The following CERS4 variants were observed in gnomAD, a reference collection of about 807,000 sequenced individuals.
CERS4 encodes ceramide synthase 4, also known as LAG1 homolog, ceramide synthase 4.
A neutral mutation model predicts 51.8 loss-of-function variants in CERS4; 65 were observed. That is an observed-to-expected ratio of 1.26 (90% CI 1.03 to 1.54). The LOEUF (loss-of-function observed/expected upper bound fraction) is 1.54, where lower values mean the gene tolerates loss of function less well. CERS4 is among the 40% of genes most tolerant of loss of function. CERS4 has a pLI of 0.00. For synonymous variants in CERS4, 228 were observed against 208.4 expected, an observed-to-expected ratio of 1.09 and a Z score of -0.81; for missense variants, 563 against 500.4, an observed-to-expected ratio of 1.13 and a Z score of -1.19.
chr19:8,251,373 TC>T (rs2062207248), intron 3 of CERS4, 124 bp downstream of exon 3: 5 of 1,422,498 alleles, frequency 3.5e-6, no homozygotes, highest in African/African-American at 1.5e-5. Context: ...CAAAGCGCGT[TC>T]CCTGGCTCCA....
At chr19:8,216,774 C>T (rs997010547) in intron 2 of CERS4, among the ~76,000 whole-genome samples, 1 of 152,066 alleles carries the variant, frequency 6.6e-6, no homozygotes, top group Non-Finnish European at 1.5e-5. Context: ...TGATGTCAGC[C>T]ATCCTGGGTC....
intron 3 of CERS4, among the ~76,000 whole-genome samples, chr19:8,252,400 A>C (rs1599580153): frequency 1.3e-5 from 2 of 149,656 alleles, no homozygotes; most frequent in South Asian, 2.1e-4. Context: ...CCTCATCCCC[A>C]CCAGTAGCTG....
At chr19:8,247,537 A>C (rs1365735647) in intron 2 of CERS4, among the ~76,000 whole-genome samples, 1 of 151,936 alleles carries the variant, frequency 6.6e-6, no homozygotes, top group Non-Finnish European at 1.5e-5. Context: ...CTCCCACATC[A>C]GCTTCCTGAA....
chr19:8,211,559 AAATATCACGAG>A (rs1304477019), intron 2 of CERS4, among the ~76,000 whole-genome samples: 2 of 152,316 alleles, frequency 1.3e-5, no homozygotes, highest in East Asian at 3.9e-4. Flanking sequence ...CAGGCTATTA[AAATATCACGAG>A]AATATCACAG....
chr19:8,246,923 T>A (rs1226635824), intron 2 of CERS4, among the ~76,000 whole-genome samples: 2 of 152,086 alleles, frequency 1.3e-5, no homozygotes, highest in Non-Finnish European at 2.9e-5. Flanking sequence ...CCCAGCACTT[T>A]GGGAGGCTGA....
chr19:8,256,112 A>C, intron 6 of CERS4, 124 bp from the exon 7 acceptor site: 1 of 1,139,040 alleles, frequency 8.8e-7, no homozygotes, highest in Non-Finnish European at 1.3e-6. Context: ...GAGAAGCAGG[A>C]AAAAGCAGGG....
intron 2 of CERS4, among the ~76,000 whole-genome samples, chr19:8,228,885 A>G (rs1967894115): frequency 6.6e-6 from 1 of 150,404 alleles, no homozygotes; most frequent in Non-Finnish European, 1.5e-5. Context: ...TTAGCTGGGC[A>G]TAGGGGCACA....
At chr19:8,261,661 A>G (rs746180647) in intron 10 of CERS4, 27 bp from the exon 11 acceptor site, 2 of 1,613,088 alleles carry the variant, frequency 1.2e-6, no homozygotes, top group East Asian at 4.5e-5. Flanking sequence ...GTCAAACCCC[A>G]GCCTCCTCCT....
chr19:8,252,230 T>C (rs553575982), intron 3 of CERS4, among the ~76,000 whole-genome samples: 28 of 151,644 alleles, frequency 1.8e-4, no homozygotes, highest in African/African-American at 5.3e-4. Context: ...ATTAGTTGGG[T>C]GTGGTGGCAC....
chr19:8,238,637 A>T, intron 2 of CERS4: 1 of 955,318 alleles, frequency 1.0e-6, no homozygotes, highest in Non-Finnish European at 1.2e-6. Context: ...CTGCTGGGGG[A>T]TCCTCATGGT....
intron 3 of CERS4, among the ~76,000 whole-genome samples, chr19:8,252,211 G>A (rs955908337): frequency 3.3e-5 from 5 of 151,768 alleles, no homozygotes; most frequent in Non-Finnish European, 7.4e-5. Flanking sequence ...TCTACTAAAA[G>A]TACAAAAAAT....
rs1000962397 is a variant in CERS4 at position 8,255,192 on chromosome 19, C to T, written c.292-415C>T. The stretch of plus-strand genomic sequence containing the variant: ...ACCCTAGAGGCGACAGGGCAGCTTC[C>T]GCAGAGCTAGACGTGACTCCCCCTT... On this transcript the variant is annotated intron_variant, in intron 4 of 11. Coordinates refer to ENST00000251363, the MANE Select transcript of CERS4 (RefSeq NM_024552.3). Among the ~76,000 whole-genome samples the T allele has an allele frequency of 2.6e-5, 4 of 152,168 alleles. No homozygotes were observed. The South Asian group carries it at 6.2e-4, about 24-fold the overall frequency.
chr19:8,256,242 T>C lies in CERS4; in HGVS notation c.475T>C (p.Trp159Arg). The C allele has an allele frequency of 1.2e-6, 2 of 1,612,816 alleles. No individual in the cohort carries two copies. The highest frequency in any genetic ancestry group is 1.7e-6 in the Non-Finnish European group (2 of 1,179,534). Reference protein sequence around the residue: ...GGLSVLYHESWLWAPVMCWDR... With the variant: ...GGLSVLYHESRLWAPVMCWDR... ...GACACCCATTTCCCTGCAGGAGTCATGGCTGTGGGCACCAGTAATGTGCTG... is the reference window on the plus strand; with the variant it reads ...GACACCCATTTCCCTGCAGGAGTCACGGCTGTGGGCACCAGTAATGTGCTG... Residue 159 changes from tryptophan (W) to arginine (R), a missense_variant, in exon 7 of 12, where the codon TGG becomes CGG. Trp to Arg is a moderately radical substitution (Grantham distance 101, BLOSUM62 -3). Coordinates refer to ENST00000251363, the MANE Select transcript of CERS4 (RefSeq NM_024552.3).
chr19:8,232,723 CTTT>C (rs71165298), intron 2 of CERS4, among the ~76,000 whole-genome samples: 9 of 138,518 alleles, frequency 6.5e-5, no homozygotes, highest in Admixed American at 2.2e-4. Flanking sequence ...TTATTTAAAC[CTTT>C]TTTTTTTTTT....
intron 2 of CERS4, among the ~76,000 whole-genome samples, chr19:8,230,589 C>T (rs912219005): frequency 5.9e-5 from 9 of 152,138 alleles, no homozygotes; most frequent in East Asian, 1.9e-4. Flanking sequence ...CCATTTTAAA[C>T]ATGTTTAAGT....
chr19:8,229,020 TAAA>T (rs78709327), intron 2 of CERS4, among the ~76,000 whole-genome samples: 17 of 134,054 alleles, frequency 1.3e-4, no homozygotes, highest in Non-Finnish European at 2.1e-4. Flanking sequence ...AGACTTCATC[TAAA>T]AAAAAAAAAA....
chr19:8,218,398 G>A (rs1223276930), intron 2 of CERS4, among the ~76,000 whole-genome samples: 4 of 152,174 alleles, frequency 2.6e-5, no homozygotes, highest in African/African-American at 9.6e-5. Flanking sequence ...TAGAGGGAGC[G>A]GCCCAGGCAA....
chr19:8,245,111 C>CAAAAAAA lies in CERS4; in HGVS notation c.-1-5947_-1-5941dup, dbSNP rs74179480. On this transcript the variant is annotated intron_variant, in intron 2 of 11. Coordinates refer to ENST00000251363, the MANE Select transcript of CERS4 (RefSeq NM_024552.3). ...TGGGCGACCGAGCGAGACTCCATCT[C>CAAAAAAA]AAAAAAAAAAAAAAAAAAAAAAAAC... is the stretch of plus-strand genomic sequence containing the variant. 3.2e-3 allele frequency among the ~76,000 whole-genome samples: 70 copies of CAAAAAAA among 21,742 alleles called. 2 individuals carry two copies. Among genetic ancestry groups the CAAAAAAA allele is most frequent in the African/African-American group, 7.0e-3 (68 of 9,722 alleles). The allele number at this position is 21,742 out of a possible 152,430, so 14.3% of individuals were successfully genotyped here.
chr19:8,212,899 C>T (rs550010270), intron 2 of CERS4, among the ~76,000 whole-genome samples: 29 of 152,032 alleles, frequency 1.9e-4, no homozygotes, highest in South Asian at 8.3e-4. Context: ...GCACCTGCCT[C>T]GGCCTCCCAA....
Sources: gnomAD v4.1 joint callset for allele counts (sites outside exome capture counted in the v4.1 genomes callset) on GRCh38, gnomAD v4.1.1 for gene constraint, MANE v1.5 for transcripts, NCBI Gene and HGNC (gene_info 2026-07-23, HGNC 2026-07-21) for gene names.